The following MALRD1 variants were observed in gnomAD, a reference collection of about 807,000 sequenced individuals.
The protein encoded by MALRD1 is MAM and LDL-receptor class A domain-containing protein 1.
A neutral mutation model predicts 242.1 loss-of-function variants in MALRD1; 247 were observed. The ratio of observed to expected loss-of-function variants is 1.02; its 90% confidence interval spans 0.92 to 1.13. MALRD1 has a LOEUF of 1.13. MALRD1 is among the 50% of genes most tolerant of loss of function. The pLI is 0.00. For missense variants in MALRD1, 2,989 were observed against 2,533.1 expected (o/e 1.18, Z -3.86); for synonymous variants, 995 against 866.6 (o/e 1.15, Z -2.60).
chr10:19,095,926 C>T (rs554209030), intron 4 of MALRD1, among the ~76,000 whole-genome samples: 13 of 152,266 alleles, frequency 8.5e-5, no homozygotes, highest in African/African-American at 3.1e-4. Context: ...TTCCATCTCT[C>T]TCCGTTCTTG....
At chr10:19,629,063 T>C (rs1371328412) in intron 36 of MALRD1, among the ~76,000 whole-genome samples, 1 of 152,162 alleles carries the variant, frequency 6.6e-6, no homozygotes, top group Non-Finnish European at 1.5e-5. Context: ...CAATCACATA[T>C]GCTAACAGAG....
At chr10:19,397,624 G>A (rs752819405) in intron 28 of MALRD1, among the ~76,000 whole-genome samples, 7 of 151,976 alleles carry the variant, frequency 4.6e-5, no homozygotes, top group Non-Finnish European at 5.9e-5. Flanking sequence ...TAGATTATAC[G>A]GTAGCTCTGT....
chr10:19,174,194 C>A (rs1468240438), intron 13 of MALRD1, among the ~76,000 whole-genome samples: 2 of 152,070 alleles, frequency 1.3e-5, no homozygotes, highest in African/African-American at 4.8e-5. Flanking sequence ...TTTCTTTCAT[C>A]CAGGTATAGA....
chr10:19,365,342 C>T (rs190017485), intron 26 of MALRD1, among the ~76,000 whole-genome samples: 258 of 152,096 alleles, frequency 1.7e-3, no homozygotes, highest in African/African-American at 5.9e-3. Flanking sequence ...GCTTTTACTT[C>T]AGCAGAGTGT....
chr10:19,664,194 C>CT (rs1456999819), intron 36 of MALRD1, among the ~76,000 whole-genome samples: 1 of 151,586 alleles, frequency 6.6e-6, no homozygotes, highest in Non-Finnish European at 1.5e-5. Flanking sequence ...ATCTAAGACT[C>CT]TAATGTCATA....
At chr10:19,635,875 A>G (rs1005916713) in intron 36 of MALRD1, among the ~76,000 whole-genome samples, 3 of 152,096 alleles carry the variant, frequency 2.0e-5, no homozygotes, top group Non-Finnish European at 4.4e-5. Flanking sequence ...TAAAATATTT[A>G]ATTTTTTATT....
In MALRD1 at chr10:19,508,017, G is replaced by A. The variant is rs554174249; in HGVS notation, c.5320+9371G>A. Among the ~76,000 whole-genome samples the A allele has an allele frequency of 7.8e-4, 112 of 143,614 alleles. 2 individuals carry two copies. The highest frequency in any genetic ancestry group is 4.5e-5 in the Non-Finnish European group (3 of 67,020). The allele number at this position is 143,614 out of a possible 152,430, so 94.2% of individuals were successfully genotyped here. ...TGTGGCTGACATTGTAGCAAAGGGG[G>A]AAAGAAAGTCAATATGAAGCATTAT... On this transcript the variant is annotated intron_variant, in intron 31 of 39. Coordinates refer to ENST00000454679, the MANE Select transcript of MALRD1 (RefSeq NM_001142308.3).
At chr10:19,061,213 C>G (rs1834812990) in intron 1 of MALRD1, among the ~76,000 whole-genome samples, 1 of 152,062 alleles carries the variant, frequency 6.6e-6, no homozygotes, top group African/African-American at 2.4e-5. Flanking sequence ...GTGCAGCAAA[C>G]CAGCACGAGA....
At chr10:19,320,202 G>A (rs990206236) in intron 21 of MALRD1, among the ~76,000 whole-genome samples, 12 of 151,326 alleles carry the variant, frequency 7.9e-5, no homozygotes, top group Admixed American at 2.6e-4. Flanking sequence ...GGTGTTTGTC[G>A]TGATGCTCTC....
At chr10:19,600,461 G>C (rs1397282341) in intron 34 of MALRD1, among the ~76,000 whole-genome samples, 1 of 152,074 alleles carries the variant, frequency 6.6e-6, no homozygotes, top group African/African-American at 2.4e-5. Context: ...AACTGCTAAG[G>C]TATTTTAATA....
chr10:19,359,696 G>T (rs10763965), intron 26 of MALRD1, among the ~76,000 whole-genome samples: 118,356 of 151,508 alleles, frequency 0.78, 46,814 homozygotes, highest in African/African-American at 0.9. Flanking sequence ...GACATCACGA[G>T]GTAGGAGAAC....
At chr10:19,645,424 C>T (rs1840608107) in intron 36 of MALRD1, among the ~76,000 whole-genome samples, 1 of 152,174 alleles carries the variant, frequency 6.6e-6, no homozygotes, top group Non-Finnish European at 1.5e-5. Context: ...AAGACACATG[C>T]ACACATACGT....
At chr10:19,417,152 T>A (rs759696184) in intron 28 of MALRD1, among the ~76,000 whole-genome samples, 6 of 152,190 alleles carry the variant, frequency 3.9e-5, no homozygotes, top group Non-Finnish European at 5.9e-5. Context: ...AAATACTGGA[T>A]TACCTGAGGA....
intron 5 of MALRD1, among the ~76,000 whole-genome samples, chr10:19,109,808 C>T (rs1310254261): frequency 2.0e-5 from 3 of 152,284 alleles, no homozygotes; most frequent in Non-Finnish European, 4.4e-5. Flanking sequence ...GCACAATGTG[C>T]GCTCCTTCTT....
intron 11 of MALRD1, among the ~76,000 whole-genome samples, chr10:19,150,559 C>T (rs183566412): frequency 5.3e-5 from 8 of 152,246 alleles, no homozygotes; most frequent in Admixed American, 2.6e-4. Context: ...CTGTGTTTCC[C>T]CTCTGCACAG....
intron 36 of MALRD1, among the ~76,000 whole-genome samples, chr10:19,657,035 G>A (rs1841188382): frequency 6.6e-6 from 1 of 152,112 alleles, no homozygotes; most frequent in African/African-American, 2.4e-5. Context: ...AATGGTAAGT[G>A]ATGGTTTTGT....
chr10:19,642,464 T>C (rs752309876), intron 36 of MALRD1, among the ~76,000 whole-genome samples: 4 of 152,166 alleles, frequency 2.6e-5, no homozygotes, highest in Non-Finnish European at 5.9e-5. Context: ...CTTACATTGC[T>C]ACCTCCCATT....
rs188349105 is a variant in MALRD1 at position 19,236,434 on chromosome 10, C to T, written c.2992-21250C>T. Reference sequence around the variant, plus strand: ...TCAAAAATAAAGCCCTTTCCTCCTCCCAGATTGAGGAGTCTTGCATTATGT... The same window carrying T: ...TCAAAAATAAAGCCCTTTCCTCCTCTCAGATTGAGGAGTCTTGCATTATGT... On this transcript the variant is annotated intron_variant, in intron 18 of 39. Coordinates refer to ENST00000454679, the MANE Select transcript of MALRD1 (RefSeq NM_001142308.3). Among the ~76,000 whole-genome samples, 136 of 152,206 alleles carry T rather than the reference C, an allele frequency of 8.9e-4. 1 individual carries two copies. Among genetic ancestry groups the T allele is most frequent in the Admixed American group, 7.7e-3 (118 of 15,284 alleles).
intron 33 of MALRD1, among the ~76,000 whole-genome samples, chr10:19,593,950 A>G (rs1356836638): frequency 6.6e-6 from 1 of 152,210 alleles, no homozygotes; most frequent in Non-Finnish European, 1.5e-5. Context: ...ATGACAGCAC[A>G]TGGCCTTTGA....
Sources: allele counts gnomAD v4.1 joint callset (sites outside exome capture counted in the v4.1 genomes callset), GRCh38; gene constraint gnomAD v4.1.1; transcripts MANE v1.5; gene names NCBI Gene and HGNC (gene_info 2026-07-23, HGNC 2026-07-21).